Variants in PLAC1 observed in about 807,000 individuals in gnomAD.
The protein encoded by PLAC1 is placenta associated 1, also known as placenta-specific protein 1.
For missense variants in PLAC1, 136 were observed against 163.2 expected (o/e 0.83, Z 0.91); for synonymous variants, 68 against 62.1 (o/e 1.09, Z -0.44).
intron 2 of PLAC1, among the ~76,000 whole-genome samples, chrX:134,685,950 A>G (rs2078515598): frequency 9.0e-6 from 1 of 111,185 alleles, no homozygotes; most frequent in African/African-American, 3.3e-5. Context: ...ATTGCAACTG[A>G]TCTGGGGAGA....
intron 1 of PLAC1, among the ~76,000 whole-genome samples, chrX:134,612,082 C>T (rs983312693): frequency 8.9e-6 from 1 of 112,542 alleles, no homozygotes; most frequent in Non-Finnish European, 1.9e-5. Context: ...CTTGCAAAGC[C>T]ATTTTTGCTT....
At chrX:134,709,400 C>T (rs1233619868) in intron 2 of PLAC1, among the ~76,000 whole-genome samples, 1 of 111,704 alleles carries the variant, frequency 9.0e-6, no homozygotes, top group Non-Finnish European at 1.9e-5. Context: ...CCAAGGCGGG[C>T]GGATCACTTG....
chrX:134,606,418 C>T (rs2124392223), intron 1 of PLAC1, among the ~76,000 whole-genome samples: 1 of 110,474 alleles, frequency 9.1e-6, no homozygotes, highest in East Asian at 2.8e-4. Flanking sequence ...GGCCAATAAA[C>T]ATGTGAAAAA....
At chrX:134,577,750 C>CAT (rs770777064) in intron 2 of PLAC1, among the ~76,000 whole-genome samples, 36 of 94,150 alleles carry the variant, frequency 3.8e-4, no homozygotes, top group African/African-American at 1.4e-3. Flanking sequence ...TGCATGCATG[C>CAT]GTGTGTGTGT....
intron 2 of PLAC1, among the ~76,000 whole-genome samples, chrX:134,730,755 C>A (rs1273154156): frequency 9.0e-6 from 1 of 111,595 alleles, no homozygotes; most frequent in Non-Finnish European, 1.9e-5. Flanking sequence ...GTCCCAAACT[C>A]CTCTGATTGT....
chrX:134,736,432 C>A (rs1210523523), intron 1 of PLAC1, among the ~76,000 whole-genome samples: 2 of 110,824 alleles, frequency 1.8e-5, no homozygotes, highest in African/African-American at 6.6e-5. Context: ...CTAGACTGAT[C>A]CAGGAAAGAG....
intron 2 of PLAC1, among the ~76,000 whole-genome samples, chrX:134,711,646 G>A (rs1417928802): frequency 1.8e-5 from 2 of 111,914 alleles, no homozygotes; most frequent in African/African-American, 3.2e-5. Flanking sequence ...TCTCTCTGTC[G>A]CTTTACATGG....
intron 1 of PLAC1, among the ~76,000 whole-genome samples, chrX:134,644,222 G>A (rs1455561436): frequency 9.0e-6 from 1 of 111,217 alleles, no homozygotes; most frequent in Non-Finnish European, 1.9e-5. Context: ...AAACAAAATT[G>A]TCAATATTTG....
At chrX:134,576,535 C>CAA (rs33954763) in intron 2 of PLAC1, among the ~76,000 whole-genome samples, 25 of 60,256 alleles carry the variant, frequency 4.1e-4, no homozygotes, top group African/African-American at 1.4e-3. Flanking sequence ...GACTCTGTCT[C>CAA]AAAAAAAAAA....
intron 2 of PLAC1, among the ~76,000 whole-genome samples, chrX:134,681,820 A>C (rs747348418): frequency 8.9e-6 from 1 of 111,783 alleles, no homozygotes; most frequent in African/African-American, 3.3e-5. Flanking sequence ...TAGATGGTGC[A>C]CCAAGACACC....
chrX:134,656,762 G>T, intron 1 of PLAC1, among the ~76,000 whole-genome samples: 1 of 110,755 alleles, frequency 9.0e-6, no homozygotes, highest in East Asian at 2.8e-4. Context: ...TTTATTTTTA[G>T]TTTTTGTAGA....
intron 1 of PLAC1, among the ~76,000 whole-genome samples, chrX:134,632,413 T>C (rs1349997023): frequency 9.0e-6 from 1 of 111,725 alleles, no homozygotes; most frequent in Non-Finnish European, 1.9e-5. Context: ...TTAACTAAGG[T>C]TCCCAAGTCC....
chrX:134,595,865 A>G lies in PLAC1; in HGVS notation c.-59+6186T>C, dbSNP rs182551276. Among the ~76,000 whole-genome samples the G allele has an allele frequency of 8.6e-3, 948 of 110,079 alleles. 8 individuals carry two copies. Among genetic ancestry groups the G allele is most frequent in the Non-Finnish European group, 0.013 (685 of 52,762 alleles). ...TGTATTTAGACCTTATATACATTAA[A>G]TGTAATTGGTGATATGTTAGGATCT... On this transcript the variant is annotated intron_variant, in intron 2 of 2. Transcript: ENST00000359237.
chrX:134,689,271 C>T (rs942017192), intron 2 of PLAC1, among the ~76,000 whole-genome samples: 4 of 112,155 alleles, frequency 3.6e-5, no homozygotes, highest in African/African-American at 1.3e-4. Context: ...CAAAATTCTA[C>T]AAGGGCTGCC....
chrX:134,592,666 A>G (rs2078043997), intron 2 of PLAC1, among the ~76,000 whole-genome samples: 2 of 108,076 alleles, frequency 1.9e-5, no homozygotes, highest in Non-Finnish European at 3.8e-5. Context: ...CCACAGTTCC[A>G]TGAGCCAATT....
chrX:134,666,023 C>T (rs936973018), intron 2 of PLAC1, among the ~76,000 whole-genome samples: 18 of 111,411 alleles, frequency 1.6e-4, no homozygotes, highest in Admixed American at 4.8e-4. Flanking sequence ...AGCTGGTCAA[C>T]GGGTTCTTTC....
intron 1 of PLAC1, among the ~76,000 whole-genome samples, chrX:134,648,878 T>A (rs746780888): frequency 1.1e-4 from 12 of 111,553 alleles, no homozygotes; most frequent in Admixed American, 2.8e-4. Flanking sequence ...ACCCAGATAG[T>A]GAGAATCGAT....
At position 134,566,726 on chromosome X, in the gene PLAC1, G is replaced by A. The variant is rs750391050; in HGVS notation, c.-44C>T. The A allele has an allele frequency of 1.4e-5, 15 of 1,040,534 alleles. No individual in the cohort carries two copies. The highest frequency in any genetic ancestry group is 6.8e-5 in the South Asian group (3 of 44,245). 85.8% of individuals were successfully genotyped at this position (1,040,534 alleles called of 1,213,427 possible). A position where few individuals can be genotyped will look rare whatever the true frequency, so the allele number is the denominator to read the frequency against. On this transcript the variant is annotated 5_prime_UTR_variant, in exon 3 of 3. In the 5' UTR this introduces an upstream ATG that the reference lacks. Transcript: ENST00000359237. ...AATGAACCACAGGAAACAGGAAGCC[G>A]TCCAGTGAGGATTTCTAGAGCACAA...
At chrX:134,585,872 T>C (rs904217514) in intron 2 of PLAC1, among the ~76,000 whole-genome samples, 1 of 111,583 alleles carries the variant, frequency 9.0e-6, no homozygotes, top group Non-Finnish European at 1.9e-5. Context: ...GGGAGGGAAC[T>C]AGGGGTGAAA....
Sources: allele counts gnomAD v4.1 joint callset (sites outside exome capture counted in the v4.1 genomes callset), GRCh38; gene constraint gnomAD v4.1.1; transcripts MANE v1.5; gene names NCBI Gene and HGNC (gene_info 2026-07-23, HGNC 2026-07-21).